ROBO2: variants seen among roughly 807,000 people sequenced by gnomAD.
The protein encoded by ROBO2 is roundabout homolog 2.
ROBO2 carries 53 observed loss-of-function variants against 160.8 expected under a neutral mutation model. The ratio of observed to expected loss-of-function variants is 0.33; its 90% CI spans 0.26 to 0.41. ROBO2 has a LOEUF of 0.41. ROBO2 is among the 10% of genes least tolerant of loss of function. The probability of loss-of-function intolerance (pLI) is 1.00; values close to 1 mark genes in which losing one functional copy is unlikely to be tolerated. For missense variants in ROBO2, 1,577 were observed against 1,722.4 expected, an observed-to-expected ratio of 0.92 and a Z score of 1.49; for synonymous variants, 664 against 611.7, an observed-to-expected ratio of 1.09 and a Z score of -1.26.
chr3:76,798,635 T>C (rs766998917), intron 2 of ROBO2, among the ~76,000 whole-genome samples: 3 of 152,176 alleles, frequency 2.0e-5, no homozygotes, highest in Non-Finnish European at 4.4e-5. Flanking sequence ...CTCATGCCTA[T>C]AATCCCAACA....
chr3:75,909,158 C>A (rs1946462907), intron 1 of ROBO2, among the ~76,000 whole-genome samples: 1 of 152,164 alleles, frequency 6.6e-6, no homozygotes, highest in African/African-American at 2.4e-5. Context: ...CGGGCTGACA[C>A]AAATAGGCTT....
At chr3:77,133,267 AG>A (rs2076006926) in intron 2 of ROBO2, among the ~76,000 whole-genome samples, 1 of 152,150 alleles carries the variant, frequency 6.6e-6, no homozygotes, top group Admixed American at 6.5e-5. Context: ...ATATTTTGAG[AG>A]GGTAGCGATG....
chr3:77,378,128 A>G (rs1263241429), intron 2 of ROBO2, among the ~76,000 whole-genome samples: 1 of 152,226 alleles, frequency 6.6e-6, no homozygotes, highest in Admixed American at 6.5e-5. Flanking sequence ...TAAAAAAGGT[A>G]GTATAGATAA....
chr3:75,953,379 A>G (rs1383177710), intron 2 of ROBO2, among the ~76,000 whole-genome samples: 1 of 151,846 alleles, frequency 6.6e-6, no homozygotes, highest in South Asian at 2.1e-4. Flanking sequence ...TTCAATATCC[A>G]TATTTGACAG....
In ROBO2 at chr3:77,526,300, A is replaced by C. The variant is rs146175898; in HGVS notation, c.934+3398A>C. ...GTATCTGTTAAGTGAATATGTGTAA[A>C]TATGTTTTCAATGGCTGTTCCTATC... On this transcript the variant is annotated intron_variant, in intron 6 of 25. Coordinates refer to ENST00000461745, the Ensembl canonical transcript of ROBO2. Among the ~76,000 whole-genome samples the C allele has an allele frequency of 6.3e-4, 95 of 151,636 alleles. 1 individual carries two copies. Among genetic ancestry groups the C allele is most frequent in the African/African-American group, 2.2e-3 (92 of 41,486 alleles).
At chr3:76,824,657 T>C (rs2066413379) in intron 2 of ROBO2, among the ~76,000 whole-genome samples, 1 of 152,164 alleles carries the variant, frequency 6.6e-6, no homozygotes, top group African/African-American at 2.4e-5. Flanking sequence ...GTGGGAAGTT[T>C]AATATAATTA....
At chr3:77,051,601 A>C (rs2065232201) in intron 1 of ROBO2, among the ~76,000 whole-genome samples, 1 of 152,238 alleles carries the variant, frequency 6.6e-6, no homozygotes, top group Non-Finnish European at 1.5e-5. Flanking sequence ...ATTTCTTTTC[A>C]GAAAGCAGTT....
chr3:76,668,746 G>A (rs1417478328), intron 2 of ROBO2, among the ~76,000 whole-genome samples: 12 of 149,542 alleles, frequency 8.0e-5, no homozygotes, highest in African/African-American at 9.9e-5. Context: ...CAAACTCAGA[G>A]AAAAAAAAAA....
intron 16 of ROBO2, among the ~76,000 whole-genome samples, chr3:77,584,168 T>C (rs2093985258): frequency 6.6e-6 from 1 of 152,120 alleles, no homozygotes; most frequent in Admixed American, 6.6e-5. Flanking sequence ...CTCCTCTCTA[T>C]TTTAAGTCAC....
At chr3:77,266,608 A>T (rs2059140016) in intron 2 of ROBO2, among the ~76,000 whole-genome samples, 1 of 152,038 alleles carries the variant, frequency 6.6e-6, no homozygotes, top group Non-Finnish European at 1.5e-5. Context: ...TCTTTCTTGG[A>T]ACGTTGGGTA....
chr3:77,120,454 T>C (rs1324400012), intron 2 of ROBO2, among the ~76,000 whole-genome samples: 5 of 152,204 alleles, frequency 3.3e-5, no homozygotes, highest in Admixed American at 2.6e-4. Context: ...ATAAAACTGA[T>C]CATATGTTAA....
chr3:77,282,959 T>TAAA (rs369332218), intron 2 of ROBO2, among the ~76,000 whole-genome samples: 2 of 148,738 alleles, frequency 1.3e-5, no homozygotes, highest in African/African-American at 2.5e-5. Flanking sequence ...GCTTCTGCTT[T>TAAA]TAAAAAAAAA....
chr3:76,008,170 G>A (rs990802287), intron 2 of ROBO2, among the ~76,000 whole-genome samples: 1 of 147,358 alleles, frequency 6.8e-6, no homozygotes, highest in African/African-American at 2.5e-5. Flanking sequence ...GGGAGGTGGA[G>A]GTTGCAGTGA....
intron 2 of ROBO2, among the ~76,000 whole-genome samples, chr3:77,419,109 T>G (rs2077497513): frequency 1.3e-5 from 2 of 152,088 alleles, no homozygotes; most frequent in Non-Finnish European, 2.9e-5. Context: ...CTCACTATTG[T>G]TTCAATTTAT....
At chr3:76,306,070 A>G (rs1559738757) in intron 2 of ROBO2, among the ~76,000 whole-genome samples, 1 of 152,118 alleles carries the variant, frequency 6.6e-6, no homozygotes, top group East Asian at 1.9e-4. Context: ...AAATGTCTTC[A>G]GACACTGTCA....
chr3:76,657,806 G>GTA (rs1390858837), intron 2 of ROBO2, among the ~76,000 whole-genome samples: 3 of 147,094 alleles, frequency 2.0e-5, no homozygotes, highest in African/African-American at 5.0e-5. Flanking sequence ...ATATATGTGT[G>GTA]TATATATATA....
chr3:77,088,433 A>T (rs1157740961), intron 1 of ROBO2, among the ~76,000 whole-genome samples: 3 of 152,046 alleles, frequency 2.0e-5, no homozygotes, highest in Admixed American at 2.0e-4. Flanking sequence ...CATATGCAGG[A>T]TGTACAGGTT....
chr3:77,478,956 G>A (rs915212629), intron 3 of ROBO2, among the ~76,000 whole-genome samples: 9 of 152,150 alleles, frequency 5.9e-5, no homozygotes, highest in Non-Finnish European at 1.0e-4. Context: ...GGAAGGAAGA[G>A]CATACAAATG....
At chr3:76,887,283 C>A (rs1236695020) in intron 2 of ROBO2, among the ~76,000 whole-genome samples, 1 of 128,572 alleles carries the variant, frequency 7.8e-6, no homozygotes. Context: ...TTAGCCATGT[C>A]ATTTTAGGCA....
Sources: gnomAD v4.1 joint callset for allele counts (sites outside exome capture counted in the v4.1 genomes callset) on GRCh38, gnomAD v4.1.1 for gene constraint, MANE v1.5 for transcripts, NCBI Gene and HGNC (gene_info 2026-07-23, HGNC 2026-07-21) for gene names.